Variants in CCDC51 observed in about 807,000 individuals in gnomAD.
CCDC51 encodes the protein mitochondrial potassium channel.
CCDC51 carries 25 observed loss-of-function variants against 24.8 expected under a neutral mutation model. That is an observed-to-expected ratio of 1.01 (90% CI 0.73 to 1.41). The LOEUF (loss-of-function observed/expected upper bound fraction) is 1.41. Ranked by LOEUF, CCDC51 falls within the 40% of genes most tolerant of loss-of-function variation. CCDC51 has a pLI of 0.00. For synonymous variants in CCDC51, 190 were observed against 204.3 expected, an observed-to-expected ratio of 0.93 and a Z score of 0.60; for missense variants, 466 against 519.1, an observed-to-expected ratio of 0.90 and a Z score of 0.99.
At chr3:48,434,105 C>T (rs890425206) in intron 2 of CCDC51, 9 of 901,824 alleles carry the variant, frequency 1.0e-5, no homozygotes, top group South Asian at 2.3e-5. Context: ...TAACATGCCC[C>T]TGAAAAAACT....
Position 48,433,834 on chromosome 3 carries a change from C to T in CCDC51, c.350G>A (p.Arg117Gln), listed in dbSNP as rs769854937. ...AACTTCCAAGTCCTCCCGAGCCTCT[C>T]GGACAAGCCCTCGAGCCACCATGAA... ...KVFMVARGLV[R>Q]EAREDLEVHQ... The change falls in exon 3 of 4, where the codon CGA becomes CAA. Residue 117 changes from arginine to glutamine, a missense_variant. By Grantham distance (43) the Arg-to-Gln change is conservative. Coordinates refer to ENST00000395694, the MANE Select transcript of CCDC51 (RefSeq NM_001256964.2). This position sits in a 1 kb window ranked among gnomAD's most constrained non-coding sequence, Gnocchi z 4.4. The T allele has an allele frequency of 8.7e-6, 14 of 1,614,058 alleles. No homozygotes were observed. Among genetic ancestry groups the T allele is most frequent in the Middle Eastern group, 1.6e-4 (1 of 6,062 alleles).
Position 48,432,570 on chromosome 3 carries a change from G to A in CCDC51, c.1074C>T (p.Pro358=), listed in dbSNP as rs1435561807. The stretch of plus-strand genomic sequence containing the variant: ...TGCTCCCCTGCTCCAGCAAGAAGCT[G>A]GGCATAGCCCCGTCTGCTGGTTCCA... ...GLVEPADGAM[P]SFLLEQGSMI... The change falls in exon 4 of 4, where the codon CCC becomes CCT. Residue 358 remains proline (P), a synonymous_variant. Coordinates refer to ENST00000395694, the MANE Select transcript of CCDC51 (RefSeq NM_001256964.2). The A allele has an allele frequency of 6.2e-7, 1 of 1,614,252 alleles. No homozygotes were observed. Among genetic ancestry groups the A allele is most frequent in the Admixed American group, 1.7e-5 (1 of 60,034 alleles).
chr3:48,435,860 C>A lies in CCDC51; in HGVS notation c.-8-724G>T, dbSNP rs745515389. Among the ~76,000 whole-genome samples the A allele has an allele frequency of 6.6e-6, 1 of 152,208 alleles. No homozygotes were observed. The highest frequency in any genetic ancestry group is 1.5e-5 in the Non-Finnish European group (1 of 68,040). ...CAACTCCGCCCCCAGACTTTCCAGGCTACCAACTCTCAGTCTCACACTTCA... is the reference window on the plus strand; with the variant it reads ...CAACTCCGCCCCCAGACTTTCCAGGATACCAACTCTCAGTCTCACACTTCA... On this transcript the variant is annotated intron_variant, in intron 1 of 3. Transcript: ENST00000395694. This position sits in a 1 kb window ranked among gnomAD's most constrained non-coding sequence, Gnocchi z 4.2.
chr3:48,433,078 C>T lies in CCDC51; in HGVS notation c.566G>A (p.Ser189Asn). ...AGCCCTTGTGCGCTCCTTCTCATGA[C>T]TTTCCCGCACAGCTGCAGAGAAGAG... ...FSLFSAAVRE[S>N]HEKERTRAER... Residue 189 changes from serine to asparagine, a missense_variant, in exon 4 of 4, where the codon AGT (serine) becomes AAT (asparagine). Coordinates refer to ENST00000395694, the MANE Select transcript of CCDC51 (RefSeq NM_001256964.2). This position sits in a 1 kb window ranked among gnomAD's most constrained non-coding sequence, Gnocchi z 4.4. 1 of 1,614,186 alleles carries T rather than the reference C, an allele frequency of 6.2e-7. No homozygotes were observed. Among genetic ancestry groups the T allele is most frequent in the Non-Finnish European group, 8.5e-7 (1 of 1,180,032 alleles).
At chr3:48,445,366 A>G (rs574364941), upstream of CCDC51, among the ~76,000 whole-genome samples, 725 of 152,172 alleles carry the variant, frequency 4.8e-3, 2 homozygotes, top group African/African-American at 0.016. Context: ...CTAGATATTA[A>G]CGCGGGAGAG....
Position 48,435,046 on chromosome 3 carries a change from C to T in CCDC51, c.83G>A (p.Arg28Lys). Residue 28 changes from arginine (R) to lysine (K), a missense_variant, in exon 2 of 4, where the codon AGG becomes AAG. By Grantham distance (26) the Arg-to-Lys change is conservative (BLOSUM62 2). Coordinates refer to ENST00000395694, the MANE Select transcript of CCDC51 (RefSeq NM_001256964.2). The surrounding 1 kb of genome is among the most constrained non-coding windows in gnomAD (Gnocchi z 4.2). The stretch of plus-strand genomic sequence containing the variant: ...GAGAGTCCTGGTCATGAAGAGGTCC[C>T]TTCCAAGGAGGCCCCTCCGAACCAG... ...HVLVRRGLLG[R>K]DLFMTRTLCS... is the part of the protein sequence containing the mutation. 1.2e-6 allele frequency: 2 copies of T among 1,614,102 alleles called. No homozygotes were observed. The highest frequency in any genetic ancestry group is 1.7e-6 in the Non-Finnish European group (2 of 1,179,982).
chr3:48,442,773 C>G (rs562791865), upstream of CCDC51, among the ~76,000 whole-genome samples: 5 of 152,124 alleles, frequency 3.3e-5, no homozygotes, highest in East Asian at 3.9e-4. Flanking sequence ...TTTCTTAAAT[C>G]GCCTACTGCG....
At chr3:48,440,165 C>T (rs1268059431), upstream of CCDC51, 22 of 1,448,646 alleles carry the variant, frequency 1.5e-5, no homozygotes, top group East Asian at 4.6e-4. Context: ...CCCTGGAGCG[C>T]CGCATCCGGT....
chr3:48,444,724 C>T (rs1357697260), upstream of CCDC51, among the ~76,000 whole-genome samples: 1 of 152,204 alleles, frequency 6.6e-6, no homozygotes, highest in Non-Finnish European at 1.5e-5. Flanking sequence ...TGTCAAGGAA[C>T]TTCTCTACTG....
At position 48,433,850 on chromosome 3, in the gene CCDC51, C is replaced by A. The variant is rs759378924; in HGVS notation, c.334G>T (p.Ala112Ser). ...VTEAEKVFMV[A>S]RGLVREARED... ...CGAGCCTCTCGGACAAGCCCTCGAG[C>A]CACCATGAACACTTTCTCAGCCTGC... is the stretch of plus-strand genomic sequence containing the variant. Residue 112 changes from alanine (A) to serine (S), a missense_variant, in exon 3 of 4, where the codon GCT (alanine) becomes TCT (serine). By Grantham distance (99) the Ala-to-Ser change is moderately conservative. Coordinates refer to ENST00000395694, the MANE Select transcript of CCDC51 (RefSeq NM_001256964.2). This position sits in a 1 kb window ranked among gnomAD's most constrained non-coding sequence, Gnocchi z 4.4. 8.1e-6 allele frequency: 13 copies of A among 1,613,694 alleles called. No individual in the cohort carries two copies. The highest frequency in any genetic ancestry group is 1.1e-5 in the Non-Finnish European group (13 of 1,179,878).
In CCDC51 at chr3:48,440,029, C is replaced by G. The variant is rs2039511971; in HGVS notation, c.-50G>C. The G allele has an allele frequency of 1.9e-6, 1 of 540,230 alleles. No individual in the cohort carries two copies. Among genetic ancestry groups the G allele is most frequent in the Non-Finnish European group, 3.2e-6 (1 of 313,296 alleles). 33.5% of individuals were successfully genotyped at this position (540,230 alleles called of 1,614,324 possible). On this transcript the variant is annotated 5_prime_UTR_variant, in exon 1 of 4. Coordinates refer to ENST00000395694, the MANE Select transcript of CCDC51 (RefSeq NM_001256964.2). ...GCGCACGGCCACAGGCCTGGTAGGC[C>G]GTCCGGTTAAGTACCCCTCCTACGG...
At position 48,435,066 on chromosome 3, in the gene CCDC51, A is replaced by T; in HGVS notation, c.63T>A (p.Val21=). ...QHIVGVPHVL[V]RRGLLGRDLF... ...GGTCCCTTCCAAGGAGGCCCCTCCGAACCAGTACGTGGGGCACACCCACGA... is the reference window on the plus strand; with the variant it reads ...GGTCCCTTCCAAGGAGGCCCCTCCGTACCAGTACGTGGGGCACACCCACGA... Residue 21 remains valine, a synonymous_variant, in exon 2 of 4, where the codon GTT becomes GTA. Transcript: ENST00000395694. This position sits in a 1 kb window ranked among gnomAD's most constrained non-coding sequence, Gnocchi z 4.2. 6.2e-7 allele frequency: 1 copy of T among 1,613,362 alleles called. No homozygotes were observed. Among genetic ancestry groups the T allele is most frequent in the Non-Finnish European group, 8.5e-7 (1 of 1,179,602 alleles).
In CCDC51 at chr3:48,435,297, G is replaced by A. The variant is rs1011649817; in HGVS notation, c.-8-161C>T. 2.0e-5 allele frequency among the ~76,000 whole-genome samples: 3 copies of A among 152,230 alleles called. No homozygotes were observed. Among genetic ancestry groups the A allele is most frequent in the Non-Finnish European group, 4.4e-5 (3 of 68,036 alleles). ...CCAGAGACTGTGGCCCCTGTGGCAAGAGGATGGTCAGGCTCTCCTCTGGGT... is the reference window on the plus strand; with the variant it reads ...CCAGAGACTGTGGCCCCTGTGGCAAAAGGATGGTCAGGCTCTCCTCTGGGT... On this transcript the variant is annotated intron_variant, in intron 1 of 3. Transcript: ENST00000395694. The surrounding 1 kb of genome is among the most constrained non-coding windows in gnomAD (Gnocchi z 4.2).
At position 48,435,142 on chromosome 3, in the gene CCDC51, A is replaced by T. The variant is rs537011077; in HGVS notation, c.-8-6T>A. 1 of 1,556,838 alleles carries T rather than the reference A, an allele frequency of 6.4e-7. No individual in the cohort carries two copies. Among genetic ancestry groups the T allele is most frequent in the South Asian group, 1.2e-5 (1 of 80,686 alleles). ...GCGCCCCATCATCCTGAGATCTGTG[A>T]GGGGGACGCCAGACAGGTCAGCTCA... On this transcript the variant is annotated splice_polypyrimidine_tract_variant and splice_region_variant and intron_variant, in intron 1 of 3. Transcript: ENST00000395694. This position sits in a 1 kb window ranked among gnomAD's most constrained non-coding sequence, Gnocchi z 4.2.
At position 48,432,352 on chromosome 3, in the gene CCDC51, A is replaced by G; in HGVS notation, c.*56T>C. The G allele has an allele frequency of 6.3e-7, 1 of 1,593,962 alleles. No homozygotes were observed. The highest frequency in any genetic ancestry group is 1.3e-5 in the African/African-American group (1 of 74,690). Reference sequence around the variant, plus strand: ...GCTCGCTTCATTGCTACGATTCTCTACTTAAATCCACATTCACAGCTATTG... The same window carrying G: ...GCTCGCTTCATTGCTACGATTCTCTGCTTAAATCCACATTCACAGCTATTG... On this transcript the variant is annotated 3_prime_UTR_variant, in exon 4 of 4. Coordinates refer to ENST00000395694, the MANE Select transcript of CCDC51 (RefSeq NM_001256964.2).
intron 1 of CCDC51, among the ~76,000 whole-genome samples, chr3:48,439,416 G>A (rs1030128755): frequency 1.3e-5 from 2 of 152,206 alleles, no homozygotes; most frequent in South Asian, 2.1e-4. Flanking sequence ...GGGGGATCAC[G>A]AGGTCAGGAG....
rs774249128 is a variant in CCDC51, at chr3:48,432,888, C to T, written c.756G>A (p.Ala252=). Residue 252 remains alanine, a synonymous_variant, in exon 4 of 4, where the codon GCG becomes GCA. Transcript: ENST00000395694. The part of the protein sequence containing the change: ...VSLQEAIREQ[A]SSYSRQQRDL... ...CCCTCTGCTGGCGGGAGTAGCTAGACGCCTGTTCTCGAATGGCCTCTTGGA... is the reference window on the plus strand; with the variant it reads ...CCCTCTGCTGGCGGGAGTAGCTAGATGCCTGTTCTCGAATGGCCTCTTGGA... 399 of 1,614,044 alleles carry T rather than the reference C, an allele frequency of 2.5e-4. 2 individuals are homozygous for T. In the South Asian group the frequency reaches 4.2e-3, roughly 17 times the overall value.
chr3:48,440,897 C>T (rs551952700), upstream of CCDC51: 10 of 536,460 alleles, frequency 1.9e-5, no homozygotes, highest in African/African-American at 1.1e-4. Context: ...GTATTTACCT[C>T]AGACGCAGAT....
At position 48,433,945 on chromosome 3, in the gene CCDC51, G is replaced by A; in HGVS notation, c.313-74C>T. On this transcript the variant is annotated intron_variant, in intron 2 of 3. Transcript: ENST00000395694. This position sits in a 1 kb window ranked among gnomAD's most constrained non-coding sequence, Gnocchi z 4.4. ...ACAGGCTCAGCTGCATTCCCAGCAAGGCATTCCCAGAAGAGGTCACTGGGG... is the reference window on the plus strand; with the variant it reads ...ACAGGCTCAGCTGCATTCCCAGCAAAGCATTCCCAGAAGAGGTCACTGGGG... The A allele has an allele frequency of 1.9e-6, 3 of 1,545,006 alleles. No homozygotes were observed. The highest frequency in any genetic ancestry group is 2.6e-6 in the Non-Finnish European group (3 of 1,146,788).
Sources: gnomAD v4.1 joint callset for allele counts (sites outside exome capture counted in the v4.1 genomes callset) on GRCh38, gnomAD v4.1.1 for gene constraint, Gnocchi (gnomAD v3.1) non-coding constraint, MANE v1.5 for transcripts, NCBI Gene and HGNC (gene_info 2026-07-23, HGNC 2026-07-21) for gene names.